The following PARVG variants were observed in gnomAD, a reference collection of about 807,000 sequenced individuals.
PARVG encodes the protein parvin gamma.
In PARVG, 36 loss-of-function variants were observed where a neutral mutation model predicts 44.4. That is an observed-to-expected ratio of 0.81 (90% CI 0.62 to 1.07). The LOEUF is 1.07. Ranked by LOEUF, PARVG falls within the 50% of genes least tolerant of loss-of-function variation. The pLI is 0.00. For missense variants in PARVG, 407 were observed against 407.4 expected (o/e 1.00, Z 0.01); for synonymous variants, 170 against 174.1 (o/e 0.98, Z 0.19).
intron 8 of PARVG, among the ~76,000 whole-genome samples, chr22:44,193,224 A>G (rs920362900): frequency 6.6e-6 from 1 of 152,112 alleles, no homozygotes; most frequent in Admixed American, 6.5e-5. Context: ...ACGTGACCAA[A>G]AAAAAAAGAA....
upstream of PARVG, among the ~76,000 whole-genome samples, chr22:44,177,032 G>A (rs950883804): frequency 6.6e-6 from 1 of 152,110 alleles, no homozygotes; most frequent in Non-Finnish European, 1.5e-5. Flanking sequence ...GACACGTGGG[G>A]ATTATGGGAG....
intron 12 of PARVG, among the ~76,000 whole-genome samples, chr22:44,201,070 C>A (rs1047724642): frequency 6.6e-6 from 1 of 152,154 alleles, no homozygotes; most frequent in African/African-American, 2.4e-5. Flanking sequence ...GGTCCTCCCC[C>A]ATTCCCTCAC....
upstream of PARVG, among the ~76,000 whole-genome samples, chr22:44,179,899 A>G (rs2054354249): frequency 6.6e-6 from 1 of 152,224 alleles, no homozygotes; most frequent in Non-Finnish European, 1.5e-5. This position sits in a 1 kb window ranked among gnomAD's most constrained non-coding sequence, Gnocchi z 4.2. Context: ...AATACTGCAG[A>G]GCTGGCTCCT....
At chr22:44,201,096 G>A (rs2054701664) in intron 12 of PARVG, among the ~76,000 whole-genome samples, 1 of 152,100 alleles carries the variant, frequency 6.6e-6, no homozygotes, top group South Asian at 2.1e-4. Flanking sequence ...CGCAGGCTGT[G>A]CTCTCAGCCC....
intron 4 of PARVG, chr22:44,186,273 G>C (rs1321945955): frequency 3.1e-6 from 1 of 317,564 alleles, no homozygotes; most frequent in African/African-American, 2.2e-5. Context: ...TCCCCAGCTT[G>C]TCTGCCCAAG....
chr22:44,196,534 C>G (rs1024663778), intron 11 of PARVG, 119 bp downstream of exon 11: 3 of 1,208,082 alleles, frequency 2.5e-6, no homozygotes, highest in African/African-American at 3.0e-5. Flanking sequence ...CCTCTTGGAG[C>G]CTTAGGGTCC....
intron 12 of PARVG, among the ~76,000 whole-genome samples, chr22:44,201,036 C>T (rs1191857544): frequency 6.6e-6 from 1 of 152,132 alleles, no homozygotes; most frequent in East Asian, 1.9e-4. Context: ...TGACCTCTGG[C>T]CCCCTTCCAG....
chr22:44,178,615 C>T (rs1198160517), upstream of PARVG, among the ~76,000 whole-genome samples: 1 of 152,018 alleles, frequency 6.6e-6, no homozygotes, highest in Admixed American at 6.6e-5. Flanking sequence ...AAAATCAGTC[C>T]ACAGAAGCAG....
At chr22:44,186,523 A>G (rs1451208853) in intron 4 of PARVG, 2 of 469,852 alleles carry the variant, frequency 4.3e-6, no homozygotes, top group East Asian at 7.0e-5. Flanking sequence ...GCCATTTCCC[A>G]TCCTCCTTCC....
At chr22:44,173,711 C>G (rs1038684579) in intron 1 of PARVG, among the ~76,000 whole-genome samples, 1 of 152,206 alleles carries the variant, frequency 6.6e-6, no homozygotes, top group African/African-American at 2.4e-5. Context: ...CTCCTTCTTT[C>G]AAAGTCAGCC....
intron 4 of PARVG, 189 bp downstream of exon 4, chr22:44,186,061 T>C: frequency 6.6e-6 from 3 of 455,324 alleles, no homozygotes; most frequent in Non-Finnish European, 1.2e-5. Flanking sequence ...TGAACAAACA[T>C]CTATTGAGCA....
chr22:44,187,630 G>T, intron 4 of PARVG, 146 bp from the exon 5 acceptor site: 1 of 731,072 alleles, frequency 1.4e-6, no homozygotes, highest in Non-Finnish European at 2.4e-6. Context: ...GGGAGATCAA[G>T]GAGGGCTTCC....
intron 3 of PARVG, chr22:44,184,189 G>T (rs181334254): frequency 6.6e-6 from 1 of 152,438 alleles, no homozygotes; most frequent in Non-Finnish European, 1.5e-5. Flanking sequence ...AGATGTCCCA[G>T]TGGGGAAGGG....
At chr22:44,191,388 A>ATT (rs35954868) in intron 7 of PARVG, among the ~76,000 whole-genome samples, 2,140 of 63,498 alleles carry the variant, frequency 0.034, 466 homozygotes, top group African/African-American at 0.049. Context: ...AGTCATTTCT[A>ATT]TTTTTTTTTT....
chr22:44,193,932 T>C, intron 9 of PARVG, 109 bp downstream of exon 9: 1 of 1,384,664 alleles, frequency 7.2e-7, no homozygotes, highest in Non-Finnish European at 1.0e-6. Context: ...TCCCTGTCAC[T>C]TGCTGTTTGT....
intron 1 of PARVG, chr22:44,173,296 T>G: frequency 1.0e-6 from 1 of 999,084 alleles, no homozygotes; most frequent in Non-Finnish European, 1.3e-6. Context: ...GGTGGTCTCC[T>G]TACTTTTCAT....
In PARVG at chr22:44,181,854, C is replaced by A. The variant is rs566512880; in HGVS notation, c.-76C>A. Reference sequence around the variant, plus strand: ...GAAGAACCCGGAACTTGCTTCCATTCGGAATCCAGGGACCACCCTTTGCAC... The same window carrying A: ...GAAGAACCCGGAACTTGCTTCCATTAGGAATCCAGGGACCACCCTTTGCAC... On this transcript the variant is annotated 5_prime_UTR_variant, in exon 2 of 14. Transcript: ENST00000444313. The A allele has an allele frequency of 1.0e-6, 1 of 985,506 alleles. No homozygotes were observed. Among genetic ancestry groups the A allele is most frequent in the Non-Finnish European group, 1.2e-6 (1 of 829,994 alleles). 61.0% of individuals were successfully genotyped at this position (985,506 alleles called of 1,614,324 possible).
At chr22:44,188,080 C>A in intron 5 of PARVG, 1 of 611,400 alleles carries the variant, frequency 1.6e-6, no homozygotes, top group Non-Finnish European at 2.9e-6. Flanking sequence ...CGAGCTGGGG[C>A]TCAGGGTGGG....
At chr22:44,203,792 G>A (rs549335790) in intron 12 of PARVG, among the ~76,000 whole-genome samples, 1 of 152,222 alleles carries the variant, frequency 6.6e-6, no homozygotes, top group African/African-American at 2.4e-5. Flanking sequence ...CATCCATCTT[G>A]GTCTGGACAG....
Sources: gnomAD v4.1 joint callset for allele counts (sites outside exome capture counted in the v4.1 genomes callset) on GRCh38, gnomAD v4.1.1 for gene constraint, Gnocchi (gnomAD v3.1) non-coding constraint, MANE v1.5 for transcripts, NCBI Gene and HGNC (gene_info 2026-07-23, HGNC 2026-07-21) for gene names.